LTC4S: variants seen among roughly 807,000 people sequenced by gnomAD.
The protein encoded by LTC4S is leukotriene C4 synthase.
LTC4S carries 18 observed loss-of-function variants against 19.6 expected under a neutral mutation model. The ratio of observed to expected loss-of-function variants is 0.92; its 90% CI spans 0.64 to 1.36. The LOEUF (loss-of-function observed/expected upper bound fraction) is 1.36. LTC4S is among the 40% of genes most tolerant of loss of function. The pLI, the probability that LTC4S is intolerant of heterozygous loss-of-function variation, is 0.00. For synonymous variants in LTC4S, 126 were observed against 110.1 expected (o/e 1.14, Z -0.91); for missense variants, 235 against 212.2 (o/e 1.11, Z -0.67).
chr5:179,795,869 G>A lies in LTC4S; in HGVS notation c.229+13G>A, dbSNP rs1485014330. The A allele has an allele frequency of 6.2e-7, 1 of 1,604,254 alleles. No individual in the cohort carries two copies. Among genetic ancestry groups the A allele is most frequent in the Admixed American group, 1.7e-5 (1 of 59,646 alleles). ...TTCTTTCATGAAGGTCGGGGTGTGGGGCAGGGGCGCACGCGCTGGACCCCC... is the reference window on the plus strand; with the variant it reads ...TTCTTTCATGAAGGTCGGGGTGTGGAGCAGGGGCGCACGCGCTGGACCCCC... On this transcript the variant is annotated intron_variant, in intron 3 of 4. Coordinates refer to ENST00000292596, the MANE Select transcript of LTC4S (RefSeq NM_145867.2).
rs1756625582 is a variant in LTC4S, at chr5:179,796,348, G to A, written c.407G>A (p.Arg136His). ...GCCCACTTCCTCCCGGCCGCGCTGCGCGCCGCGCTCCTCGGACGGCTCCGG... is the reference window on the plus strand; with the variant it reads ...GCCCACTTCCTCCCGGCCGCGCTGCACGCCGCGCTCCTCGGACGGCTCCGG... The part of the protein sequence containing the change: ...LLAHFLPAAL[R>H]AALLGRLRTL... The change falls in exon 5 of 5, where the codon CGC becomes CAC. Residue 136 changes from arginine to histidine, a missense_variant. By Grantham distance (29) the Arg-to-His change is conservative. Coordinates refer to ENST00000292596, the MANE Select transcript of LTC4S (RefSeq NM_145867.2). 1 of 1,490,470 alleles carries A rather than the reference G, an allele frequency of 6.7e-7. No individual in the cohort carries two copies. Among genetic ancestry groups the A allele is most frequent in the South Asian group, 1.3e-5 (1 of 79,450 alleles). 92.3% of individuals were successfully genotyped at this position (1,490,470 alleles called of 1,614,324 possible).
In LTC4S at chr5:179,796,466, T is replaced by C; in HGVS notation, c.*72T>C. On this transcript the variant is annotated 3_prime_UTR_variant, in exon 5 of 5. Transcript: ENST00000292596. ...CTCCAGCTGCCCCGGGGAGGGGCGC[T>C]CGCTTCCGCATCCTAGTCTCTATCA... is the stretch of plus-strand genomic sequence containing the variant. 7.1e-7 allele frequency: 1 copy of C among 1,411,058 alleles called. No homozygotes were observed. Among genetic ancestry groups the C allele is most frequent in the South Asian group, 1.4e-5 (1 of 70,098 alleles). The allele number at this position is 1,411,058 out of a possible 1,614,324, so 87.4% of individuals were successfully genotyped here.
rs761711830 is a variant in LTC4S, at chr5:179,795,816, C to T, written c.189C>T (p.Phe63=). 2 of 1,603,954 alleles carry T rather than the reference C, an allele frequency of 1.2e-6. No individual in the cohort carries two copies. Among genetic ancestry groups the T allele is most frequent in the Non-Finnish European group, 1.7e-6 (2 of 1,176,732 alleles). ...ACTGCAGCGAGTACTTCCCGCTGTTCCTCGCCACGCTCTGGGTCGCCGGCA... is the reference window on the plus strand; with the variant it reads ...ACTGCAGCGAGTACTTCCCGCTGTTTCTCGCCACGCTCTGGGTCGCCGGCA... ...QVNCSEYFPL[F]LATLWVAGIF... The change falls in exon 3 of 5, where the codon TTC becomes TTT. Residue 63 remains phenylalanine, a synonymous_variant. Transcript: ENST00000292596.
At position 179,796,624 on chromosome 5, in the gene LTC4S, A is replaced by G. The variant is rs563644134; in HGVS notation, c.*230A>G. 133 of 522,426 alleles carry G rather than the reference A, an allele frequency of 2.5e-4. No individual in the cohort carries two copies. The highest frequency in any genetic ancestry group is 2.4e-3 in the African/African-American group (120 of 49,508). The allele number at this position is 522,426 out of a possible 1,614,324, so 32.4% of individuals were successfully genotyped here. A position where few individuals can be genotyped will look rare whatever the true frequency, so the allele number is the denominator to read the frequency against. On this transcript the variant is annotated 3_prime_UTR_variant, in exon 5 of 5. Transcript: ENST00000292596. ...GGGCGGGCTTCCTAGTGGCGGCGTG[A>G]GAGTGGCTGCGAAGGAACGAGCCCT...
intron 1 of LTC4S, 70 bp from the exon 2 acceptor site, chr5:179,795,514 G>A (rs537198261): frequency 1.2e-5 from 19 of 1,543,152 alleles, no homozygotes; most frequent in South Asian, 1.2e-4. Flanking sequence ...CAGATTGCAG[G>A]ATCCCTCCCA....
In LTC4S at chr5:179,796,403, C is replaced by A. The variant is rs1158791104; in HGVS notation, c.*9C>A. ...TGCTGCCGTGGGCCTGAGACCAAGG[C>A]CCCCGGGCCGACGGAGCCGGGAAAG... is the stretch of plus-strand genomic sequence containing the variant. On this transcript the variant is annotated 3_prime_UTR_variant, in exon 5 of 5. Transcript: ENST00000292596. The A allele has an allele frequency of 1.4e-6, 2 of 1,481,438 alleles. No homozygotes were observed. Among genetic ancestry groups the A allele is most frequent in the South Asian group, 1.3e-5 (1 of 79,020 alleles). 91.8% of individuals were successfully genotyped at this position (1,481,438 alleles called of 1,614,324 possible).
At chr5:179,795,401 G>A (rs1756571074) in intron 1 of LTC4S, 183 bp from the exon 2 acceptor site, 7 of 1,445,306 alleles carry the variant, frequency 4.8e-6, no homozygotes, top group Non-Finnish European at 6.4e-6. Flanking sequence ...TGAATGTCAG[G>A]GACACAGGGC....
chr5:179,795,537 G>A (rs893797228), intron 1 of LTC4S, 47 bp from the exon 2 acceptor site: 1 of 1,569,928 alleles, frequency 6.4e-7, no homozygotes, highest in South Asian at 1.2e-5. Flanking sequence ...CCCATCTCTG[G>A]GGCTTCGGGT....
At position 179,795,657 on chromosome 5, in the gene LTC4S, C is replaced by T. The variant is rs376663667; in HGVS notation, c.132C>T (p.Pro44=). The T allele has an allele frequency of 4.7e-5, 76 of 1,608,060 alleles. No individual in the cohort carries two copies. The African/African-American group carries it at 9.2e-4, about 20-fold the overall frequency. The change falls in exon 2 of 5, where the codon CCC becomes CCT. Residue 44 remains proline (P), a synonymous_variant. Transcript: ENST00000292596. ...CGCCGCCGCTCACCACCGGCCCACC[C>T]GAGTTCGAGCGCGTCTACCGAGCCC... The part of the protein sequence containing the change: ...RVSPPLTTGP[P]EFERVYRAQV...
In LTC4S at chr5:179,796,040, A is replaced by AGCGGG. The variant is rs1172467708; in HGVS notation, c.311+26_311+30dup. 1.5e-5 allele frequency: 21 copies of AGCGGG among 1,357,412 alleles called. No individual in the cohort carries two copies. Among genetic ancestry groups the AGCGGG allele is most frequent in the South Asian group, 1.3e-5 (1 of 77,202 alleles). The allele number at this position is 1,357,412 out of a possible 1,614,324, so 84.1% of individuals were successfully genotyped here. ...CAGCTCAGGTGAGGGCCGGGCGGGGAGCGGGGCGGGGCCGGGGAAAGATCG... is the reference window on the plus strand; with the variant it reads ...CAGCTCAGGTGAGGGCCGGGCGGGGAGCGGGGCGGGGCGGGGCCGGGGAAAGATCG... On this transcript the variant is annotated intron_variant, in intron 4 of 4. Coordinates refer to ENST00000292596, the MANE Select transcript of LTC4S (RefSeq NM_145867.2).
intron 1 of LTC4S, chr5:179,795,217 C>G (rs1435885529): frequency 5.5e-6 from 2 of 362,384 alleles, no homozygotes; most frequent in East Asian, 9.1e-5. Flanking sequence ...GGCCAGGGAC[C>G]TGAAAGCTGC....
At position 179,795,998 on chromosome 5, in the gene LTC4S, G is replaced by A. The variant is rs758790720; in HGVS notation, c.287G>A (p.Gly96Asp). 3 of 1,534,138 alleles carry A rather than the reference G, an allele frequency of 2.0e-6. No individual in the cohort carries two copies. Among genetic ancestry groups the A allele is most frequent in the Non-Finnish European group, 2.6e-6 (3 of 1,146,412 alleles). Residue 96 changes from glycine (G) to aspartate (D), a missense_variant, in exon 4 of 5, where the codon GGC (glycine) becomes GAC (aspartate). Transcript: ENST00000292596. ...TTCGCGCGCCTCCGCTACTTCCAGG[G>A]CTACGCGCGCTCCGCGCAGCTCAGG... ...YLFARLRYFQ[G>D]YARSAQLRLA...
rs1244811647 is a variant in LTC4S at position 179,795,785 on chromosome 5, G to A, written c.159-1G>A. 1.3e-6 allele frequency: 2 copies of A among 1,596,098 alleles called. No homozygotes were observed. The highest frequency in any genetic ancestry group is 1.7e-6 in the Non-Finnish European group (2 of 1,172,164). ...GCGCTCATCCCACCCGCCCACCGCA[G>A]GGTGAACTGCAGCGAGTACTTCCCG... On this transcript the variant is annotated splice_acceptor_variant, in intron 2 of 4. Transcript: ENST00000292596. LOFTEE classifies it high-confidence loss of function.
Position 179,796,271 on chromosome 5 carries a change from G to T in LTC4S, c.330G>T (p.Ala110=). The T allele has an allele frequency of 6.8e-7, 1 of 1,467,498 alleles. No homozygotes were observed. The highest frequency in any genetic ancestry group is 1.3e-5 in the South Asian group (1 of 77,178). The allele number at this position is 1,467,498 out of a possible 1,614,324, so 90.9% of individuals were successfully genotyped here. A position where few individuals can be genotyped will look rare whatever the true frequency, so the allele number is the denominator to read the frequency against. Residue 110 remains alanine (A), a synonymous_variant, in exon 5 of 5, where the codon GCG becomes GCT. Transcript: ENST00000292596. The part of the protein sequence containing the change: ...SAQLRLAPLY[A]SARALWLLVA... Reference sequence around the variant, plus strand: ...CCCGCAGGCTGGCACCGCTGTACGCGAGCGCGCGCGCCCTCTGGCTGCTGG... The same window carrying T: ...CCCGCAGGCTGGCACCGCTGTACGCTAGCGCGCGCGCCCTCTGGCTGCTGG...
Position 179,796,473 on chromosome 5 carries a change from C to T in LTC4S, c.*79C>T. 7.1e-7 allele frequency: 1 copy of T among 1,402,512 alleles called. No homozygotes were observed. Among genetic ancestry groups the T allele is most frequent in the Non-Finnish European group, 9.2e-7 (1 of 1,082,654 alleles). 86.9% of individuals were successfully genotyped at this position (1,402,512 alleles called of 1,614,324 possible). On this transcript the variant is annotated 3_prime_UTR_variant, in exon 5 of 5. Transcript: ENST00000292596. ...TGCCCCGGGGAGGGGCGCTCGCTTC[C>T]GCATCCTAGTCTCTATCATTAAAGT...
chr5:179,795,918 A>G, intron 3 of LTC4S, 23 bp from the exon 4 acceptor site: 1 of 1,580,534 alleles, frequency 6.3e-7, no homozygotes, highest in African/African-American at 1.3e-5. Flanking sequence ...GGCGCTCACC[A>G]GGCCCGTGCG....
At position 179,796,458 on chromosome 5, in the gene LTC4S, A is replaced by G. The variant is rs1434130520; in HGVS notation, c.*64A>G. 4 of 1,419,016 alleles carry G rather than the reference A, an allele frequency of 2.8e-6. No homozygotes were observed. The highest frequency in any genetic ancestry group is 3.0e-5 in the East Asian group (1 of 33,352). The allele number at this position is 1,419,016 out of a possible 1,614,324, so 87.9% of individuals were successfully genotyped here. On this transcript the variant is annotated 3_prime_UTR_variant, in exon 5 of 5. Transcript: ENST00000292596. ...GCCGGAGCCTCCAGCTGCCCCGGGG[A>G]GGGGCGCTCGCTTCCGCATCCTAGT...
chr5:179,796,400 AG>A lies in LTC4S; in HGVS notation c.*8del, dbSNP rs1756628344. ...CGCTGCTGCCGTGGGCCTGAGACCA[AG>A]GCCCCCGGGCCGACGGAGCCGGGAA... On this transcript the variant is annotated 3_prime_UTR_variant, in exon 5 of 5. Transcript: ENST00000292596. 2.0e-6 allele frequency: 3 copies of A among 1,488,252 alleles called. 1 individual carries two copies. The highest frequency in any genetic ancestry group is 2.5e-5 in the South Asian group (2 of 79,688). 92.2% of individuals were successfully genotyped at this position (1,488,252 alleles called of 1,614,324 possible). A position where few individuals can be genotyped will look rare whatever the true frequency, so the allele number is the denominator to read the frequency against.
At chr5:179,795,382 C>G (rs1468135221) in intron 1 of LTC4S, 7 of 1,435,592 alleles carry the variant, frequency 4.9e-6, no homozygotes, top group Non-Finnish European at 6.4e-6. Flanking sequence ...TCAGCCCTGC[C>G]CTCCTCGCTG....
Sources: gnomAD v4.1 joint callset for allele counts on GRCh38, gnomAD v4.1.1 for gene constraint, MANE v1.5 for transcripts, NCBI Gene and HGNC (gene_info 2026-07-23, HGNC 2026-07-21) for gene names.